The following EXOC6B variants were observed in gnomAD, a reference collection of about 807,000 sequenced individuals.
EXOC6B encodes the protein exocyst complex component 6B.
In EXOC6B, 54 loss-of-function variants were observed where a neutral mutation model predicts 113.5. That is an observed-to-expected ratio of 0.48 (90% CI 0.38 to 0.60). The LOEUF (loss-of-function observed/expected upper bound fraction) is 0.60. Among genes scored for constraint, EXOC6B ranks in the 20% least tolerant of loss-of-function variants. EXOC6B has a pLI of 0.00. For missense variants in EXOC6B, 797 were observed against 977.5 expected, an observed-to-expected ratio of 0.82 and a Z score of 2.46; for synonymous variants, 357 against 339.0, an observed-to-expected ratio of 1.05 and a Z score of -0.58.
At chr2:72,551,498 C>T (rs1703220159) in intron 8 of EXOC6B, among the ~76,000 whole-genome samples, 1 of 135,674 alleles carries the variant, frequency 7.4e-6, no homozygotes, top group African/African-American at 2.8e-5. Context: ...ACCTGGCAAA[C>T]ATAATAAAAT....
chr2:72,729,325 C>T (rs941391815), intron 5 of EXOC6B, among the ~76,000 whole-genome samples: 74 of 150,158 alleles, frequency 4.9e-4, no homozygotes, highest in Non-Finnish European at 7.4e-4. Context: ...TATATATATA[C>T]TATATATTTT....
At chr2:72,531,737 G>A (rs1702013579) in intron 8 of EXOC6B, among the ~76,000 whole-genome samples, 1 of 152,154 alleles carries the variant, frequency 6.6e-6, no homozygotes, top group Non-Finnish European at 1.5e-5. Context: ...TGTAATCCCA[G>A]CACTTTGGGA....
intron 6 of EXOC6B, among the ~76,000 whole-genome samples, chr2:72,598,724 C>G (rs1377035538): frequency 2.0e-5 from 3 of 152,010 alleles, no homozygotes; most frequent in African/African-American, 4.8e-5. Context: ...ACTATCACTA[C>G]TAATCCCATG....
chr2:72,447,905 C>T (rs1263696121), intron 18 of EXOC6B, among the ~76,000 whole-genome samples: 2 of 152,154 alleles, frequency 1.3e-5, no homozygotes, highest in Non-Finnish European at 2.9e-5. Context: ...TTGTCTCTCA[C>T]CAGAAATATT....
chr2:72,267,965 A>AT (rs1684237307), intron 20 of EXOC6B, among the ~76,000 whole-genome samples: 1 of 152,242 alleles, frequency 6.6e-6, no homozygotes, highest in African/African-American at 2.4e-5. Flanking sequence ...GGAAACAAAC[A>AT]TAAGTATGTT....
intron 8 of EXOC6B, among the ~76,000 whole-genome samples, chr2:72,532,521 T>C (rs188574356): frequency 6.6e-6 from 1 of 152,110 alleles, no homozygotes; most frequent in African/African-American, 2.4e-5. Context: ...AGGACAAAAG[T>C]ATTTAAGGCC....
intron 1 of EXOC6B, among the ~76,000 whole-genome samples, chr2:72,771,144 G>A (rs1213947845): frequency 6.6e-6 from 1 of 152,144 alleles, no homozygotes; most frequent in Non-Finnish European, 1.5e-5. Flanking sequence ...GTCTTCAACT[G>A]CTGAAAACAT....
At chr2:72,600,494 G>A (rs1670355019) in intron 6 of EXOC6B, among the ~76,000 whole-genome samples, 1 of 146,462 alleles carries the variant, frequency 6.8e-6, no homozygotes, top group Non-Finnish European at 1.5e-5. Flanking sequence ...TGTGATATTG[G>A]CAAAAGAACA....
chr2:72,707,408 AT>A (rs895610510), intron 6 of EXOC6B, among the ~76,000 whole-genome samples: 5 of 145,264 alleles, frequency 3.4e-5, no homozygotes, highest in Admixed American at 2.7e-4. Context: ...TATATTTGTC[AT>A]TTTTCTTTTC....
chr2:72,438,249 A>T (rs949033175), intron 18 of EXOC6B, among the ~76,000 whole-genome samples: 10 of 152,124 alleles, frequency 6.6e-5, no homozygotes, highest in Non-Finnish European at 1.5e-4. Context: ...CAATCAGAAA[A>T]ACACCAGAAA....
intron 20 of EXOC6B, among the ~76,000 whole-genome samples, chr2:72,318,203 T>C (rs1299285318): frequency 6.6e-6 from 1 of 152,114 alleles, no homozygotes; most frequent in Non-Finnish European, 1.5e-5. Flanking sequence ...AGAATACTTT[T>C]ATAAAAAATT....
intron 18 of EXOC6B, among the ~76,000 whole-genome samples, chr2:72,390,377 C>T (rs1432732560): frequency 1.3e-5 from 2 of 152,086 alleles, no homozygotes; most frequent in African/African-American, 2.4e-5. Flanking sequence ...CCTTCTAATT[C>T]TGTCACTTCT....
intron 20 of EXOC6B, among the ~76,000 whole-genome samples, chr2:72,276,274 T>TA (rs1684805542): frequency 6.6e-6 from 1 of 152,110 alleles, no homozygotes; most frequent in Non-Finnish European, 1.5e-5. Context: ...ATTAAATTCT[T>TA]AAGTGATCAC....
chr2:72,764,797 G>A (rs1558983386), intron 1 of EXOC6B, among the ~76,000 whole-genome samples: 1 of 152,086 alleles, frequency 6.6e-6, no homozygotes, highest in African/African-American at 2.4e-5. Flanking sequence ...CCCATACTTT[G>A]TCTTTGCAAA....
chr2:72,810,374 A>G (rs1164524972), intron 1 of EXOC6B, among the ~76,000 whole-genome samples: 8 of 144,664 alleles, frequency 5.5e-5, no homozygotes, highest in African/African-American at 2.0e-4. Flanking sequence ...TAAATAAATA[A>G]ATAAATAAAT....
chr2:72,763,550 G>A (rs182716004), intron 1 of EXOC6B, among the ~76,000 whole-genome samples: 2 of 151,448 alleles, frequency 1.3e-5, no homozygotes, highest in Admixed American at 1.3e-4. Context: ...AGCCTCACAA[G>A]TAGCTGGGAC....
At chr2:72,205,829 C>G (rs967068134) in intron 20 of EXOC6B, among the ~76,000 whole-genome samples, 1 of 152,164 alleles carries the variant, frequency 6.6e-6, no homozygotes, top group Non-Finnish European at 1.5e-5. Context: ...GCCTCTGACA[C>G]ACAGAGATGA....
At chr2:72,336,254 C>T (rs1688684761) in intron 19 of EXOC6B, among the ~76,000 whole-genome samples, 1 of 152,166 alleles carries the variant, frequency 6.6e-6, no homozygotes, top group African/African-American at 2.4e-5. Flanking sequence ...TCAATAAAAT[C>T]TATCAAGATA....
chr2:72,681,822 G>A (rs1361426443), intron 6 of EXOC6B, among the ~76,000 whole-genome samples: 1 of 151,866 alleles, frequency 6.6e-6, no homozygotes, highest in Non-Finnish European at 1.5e-5. Context: ...TTTCCTAATA[G>A]ACAATAGCCA....
Sources: allele counts gnomAD v4.1 joint callset (sites outside exome capture counted in the v4.1 genomes callset), GRCh38; gene constraint gnomAD v4.1.1; transcripts MANE v1.5; gene names NCBI Gene and HGNC (gene_info 2026-07-23, HGNC 2026-07-21).